Variants in SLC44A5 observed in about 807,000 individuals in gnomAD.
SLC44A5 encodes the protein choline transporter-like protein 5.
SLC44A5 carries 57 observed loss-of-function variants against 101.8 expected under a neutral mutation model. The observed-to-expected ratio is 0.56, with a 90% CI of 0.45 to 0.70. The LOEUF (loss-of-function observed/expected upper bound fraction) is 0.70. Among genes scored for constraint, SLC44A5 ranks in the 30% least tolerant of loss-of-function variants. The pLI, the probability that SLC44A5 is intolerant of heterozygous loss-of-function variation, is 0.00. For missense variants in SLC44A5, 737 were observed against 853.1 expected (o/e 0.86, Z 1.70); for synonymous variants, 281 against 290.9 (o/e 0.97, Z 0.35).
At chr1:75,551,170 C>G (rs747657284) in intron 1 of SLC44A5, among the ~76,000 whole-genome samples, 1 of 152,044 alleles carries the variant, frequency 6.6e-6, no homozygotes, top group Non-Finnish European at 1.5e-5. Flanking sequence ...GCTTAGCCCA[C>G]CCAAAAGGGC....
At chr1:75,577,132 T>A (rs184566754) in intron 1 of SLC44A5, among the ~76,000 whole-genome samples, 1 of 152,156 alleles carries the variant, frequency 6.6e-6, no homozygotes, top group East Asian at 1.9e-4. Context: ...ATTCAAAACT[T>A]CTCTCCACAC....
intron 2 of SLC44A5, among the ~76,000 whole-genome samples, chr1:75,425,807 C>T (rs921924441): frequency 2.6e-5 from 4 of 152,194 alleles, no homozygotes; most frequent in African/African-American, 9.6e-5. Context: ...ACATCAGAAT[C>T]GCCTTGCACA....
the SLC44A5 span, among the ~76,000 whole-genome samples, chr1:75,671,938 A>G: frequency 1.3e-5 from 2 of 152,186 alleles, no homozygotes; most frequent in Non-Finnish European, 2.9e-5. Context: ...AAGACTAACC[A>G]TAACCTTACA....
intron 6 of SLC44A5, among the ~76,000 whole-genome samples, chr1:75,254,836 C>CTG (rs1649881402): frequency 6.6e-6 from 1 of 152,210 alleles, no homozygotes; most frequent in East Asian, 1.9e-4. Flanking sequence ...ATCAGAACCG[C>CTG]TGTGTTTCTC....
intron 4 of SLC44A5, among the ~76,000 whole-genome samples, chr1:75,330,966 CTTT>C (rs71071941): frequency 3.0e-4 from 41 of 136,018 alleles, no homozygotes; most frequent in East Asian, 4.6e-4. Flanking sequence ...AACTTTCTCT[CTTT>C]TTTTTTTTTT....
At chr1:75,578,017 A>T (rs1010164332) in intron 1 of SLC44A5, among the ~76,000 whole-genome samples, 7 of 152,162 alleles carry the variant, frequency 4.6e-5, no homozygotes, top group African/African-American at 1.7e-4. Context: ...ATATGAAATT[A>T]ATCTAACATT....
the SLC44A5 span, among the ~76,000 whole-genome samples, chr1:75,628,854 T>C: frequency 6.6e-6 from 1 of 152,262 alleles, no homozygotes; most frequent in East Asian, 1.9e-4. Context: ...TCCTACACTA[T>C]AACATGGGAA....
intron 3 of SLC44A5, among the ~76,000 whole-genome samples, chr1:75,368,768 CATG>C (rs1660032197): frequency 6.6e-6 from 1 of 152,140 alleles, no homozygotes; most frequent in Non-Finnish European, 1.5e-5. Flanking sequence ...GGAACTCCTT[CATG>C]ATGCATACGC....
the SLC44A5 span, among the ~76,000 whole-genome samples, chr1:75,699,410 T>C: frequency 2.0e-5 from 3 of 151,878 alleles, no homozygotes; most frequent in Admixed American, 6.6e-5. Context: ...CTAAGCTTCA[T>C]AAGTGAAGGA....
the SLC44A5 span, among the ~76,000 whole-genome samples, chr1:75,661,329 A>C: frequency 6.6e-6 from 1 of 150,850 alleles, no homozygotes; most frequent in East Asian, 1.9e-4. Flanking sequence ...TACAAAAATT[A>C]AATCAAAATG....
chr1:75,434,872 G>C (rs1664800606), intron 2 of SLC44A5, among the ~76,000 whole-genome samples: 1 of 152,096 alleles, frequency 6.6e-6, no homozygotes. Context: ...AAGTCTTCCT[G>C]TAAGGAGTAA....
At chr1:75,481,388 G>T (rs1667837372) in intron 2 of SLC44A5, among the ~76,000 whole-genome samples, 2 of 152,078 alleles carry the variant, frequency 1.3e-5, no homozygotes, top group African/African-American at 2.4e-5. Flanking sequence ...GGCAACAAAA[G>T]CCAAAATTGA....
intron 2 of SLC44A5, among the ~76,000 whole-genome samples, chr1:75,403,891 C>T (rs1346852609): frequency 6.6e-6 from 1 of 152,064 alleles, no homozygotes; most frequent in Non-Finnish European, 1.5e-5. Context: ...TGGGTAATAA[C>T]AAACTCCTCC....
At chr1:75,667,108 A>C in the SLC44A5 span, among the ~76,000 whole-genome samples, 13 of 151,966 alleles carry the variant, frequency 8.6e-5, no homozygotes, top group African/African-American at 2.4e-4. Context: ...AAGAGAAAGA[A>C]AGTATTCAAA....
intron 2 of SLC44A5, among the ~76,000 whole-genome samples, chr1:75,442,413 C>A (rs556385166): frequency 2.0e-5 from 3 of 152,072 alleles, no homozygotes; most frequent in Non-Finnish European, 4.4e-5. Flanking sequence ...CCTCTGAGAC[C>A]TCTTCTTGAC....
chr1:75,375,768 AG>A (rs1660541334), intron 3 of SLC44A5, among the ~76,000 whole-genome samples: 1 of 152,240 alleles, frequency 6.6e-6, no homozygotes, highest in Non-Finnish European at 1.5e-5. Flanking sequence ...TAACAGAAGG[AG>A]AAAGACAATT....
At chr1:75,391,432 T>G (rs1661780687) in intron 3 of SLC44A5, among the ~76,000 whole-genome samples, 2 of 152,068 alleles carry the variant, frequency 1.3e-5, no homozygotes, top group South Asian at 2.1e-4. Context: ...TGGCATCACA[T>G]TACCCAACTT....
intron 3 of SLC44A5, among the ~76,000 whole-genome samples, chr1:75,390,413 A>C (rs1268793625): frequency 6.6e-6 from 1 of 151,422 alleles, no homozygotes; most frequent in African/African-American, 2.4e-5. Context: ...TCCTTAACAA[A>C]AAAAAAAAAA....
At chr1:75,298,445 C>G (rs1382328570) in intron 5 of SLC44A5, among the ~76,000 whole-genome samples, 1 of 152,076 alleles carries the variant, frequency 6.6e-6, no homozygotes, top group East Asian at 1.9e-4. Context: ...TGAATTAAGA[C>G]ATTTACAAAC....
Sources: allele counts gnomAD v4.1 joint callset (sites outside exome capture counted in the v4.1 genomes callset), GRCh38; gene constraint gnomAD v4.1.1; transcripts MANE v1.5; gene names NCBI Gene and HGNC (gene_info 2026-07-23, HGNC 2026-07-21).